ITGB8: variants seen among roughly 807,000 people sequenced by gnomAD.
The protein encoded by ITGB8 is integrin subunit beta 8.
Under a neutral mutation model 89.5 loss-of-function variants are expected in ITGB8, and 30 were observed. The observed-to-expected ratio is 0.34, with a 90% CI of 0.25 to 0.45. ITGB8 has a LOEUF of 0.45. ITGB8 is among the 20% of genes least tolerant of loss of function. The pLI is 1.00. For synonymous variants in ITGB8, 335 were observed against 320.4 expected (o/e 1.05, Z -0.49); for missense variants, 836 against 933.3 (o/e 0.90, Z 1.36).
chr7:20,415,191 A>G lies in ITGB8; in HGVS notation c.*5194A>G, dbSNP rs1045957. 1.3e-5 allele frequency: 2 copies of G among 152,014 alleles called. No homozygotes were observed. Among genetic ancestry groups the G allele is most frequent in the African/African-American group, 4.8e-5 (2 of 41,318 alleles). 9.4% of individuals were successfully genotyped at this position (152,014 alleles called of 1,614,324 possible). Reference sequence around the variant, plus strand: ...ATTATAAGAAAATATACATTTGCACATATTAATATAGAAATTCATTTTGTG... The same window carrying G: ...ATTATAAGAAAATATACATTTGCACGTATTAATATAGAAATTCATTTTGTG... On this transcript the variant is annotated 3_prime_UTR_variant, in exon 14 of 14. Coordinates refer to ENST00000222573, the MANE Select transcript of ITGB8 (RefSeq NM_002214.3).
chr7:20,342,154 A>G (rs896001278), intron 1 of ITGB8, among the ~76,000 whole-genome samples: 1 of 152,190 alleles, frequency 6.6e-6, no homozygotes, highest in Admixed American at 6.5e-5. Flanking sequence ...CTAGCATGAT[A>G]TGAAAGAACA....
intron 1 of ITGB8, among the ~76,000 whole-genome samples, chr7:20,355,241 C>T (rs11773771): frequency 0.089 from 13,485 of 152,118 alleles, 742 homozygotes; most frequent in East Asian, 0.33. Context: ...CCAGGTGGGA[C>T]AACTTTGTGT....
chr7:20,398,335 A>T (rs1787172356), intron 8 of ITGB8, among the ~76,000 whole-genome samples: 2 of 152,184 alleles, frequency 1.3e-5, no homozygotes, highest in African/African-American at 4.8e-5. Context: ...CCTTCAGTGT[A>T]GAAATGGCCT....
In ITGB8 at chr7:20,394,620, T is replaced by C. The variant is rs79561396; in HGVS notation, c.1057-276T>C. 1.1e-4 allele frequency among the ~76,000 whole-genome samples: 16 copies of C among 152,336 alleles called. 1 individual carries two copies. In the East Asian group the frequency reaches 2.9e-3, roughly 28 times the overall value. The stretch of plus-strand genomic sequence containing the variant: ...CATTCCATGGAAGAAATTTGGGAGA[T>C]GCTCATCTGCATTTCGATTGGATTT... On this transcript the variant is annotated intron_variant, in intron 7 of 13. Transcript: ENST00000222573.
intron 1 of ITGB8, among the ~76,000 whole-genome samples, chr7:20,350,232 C>T (rs1490416202): frequency 1.3e-5 from 2 of 152,192 alleles, no homozygotes; most frequent in Non-Finnish European, 2.9e-5. Context: ...ACTGCAACCT[C>T]CACCTCTCAG....
At position 20,405,920 on chromosome 7, in the gene ITGB8, T is replaced by C. The variant is rs1787520682; in HGVS notation, c.1914-142T>C. Reference sequence around the variant, plus strand: ...TTGGAAATGCAATCCTTCGATGTAATGATGGAGTTAGTTCTAATGAACATA... The same window carrying C: ...TTGGAAATGCAATCCTTCGATGTAACGATGGAGTTAGTTCTAATGAACATA... On this transcript the variant is annotated intron_variant, in intron 11 of 13. Transcript: ENST00000222573. The C allele has an allele frequency of 1.2e-5, 7 of 568,746 alleles. No homozygotes were observed. The East Asian group carries it at 2.0e-4, about 16-fold the overall frequency. The allele number at this position is 568,746 out of a possible 1,614,324, so 35.2% of individuals were successfully genotyped here.
chr7:20,333,611 G>T (rs1257054357), intron 1 of ITGB8, among the ~76,000 whole-genome samples: 1 of 151,908 alleles, frequency 6.6e-6, no homozygotes, highest in South Asian at 2.1e-4. Flanking sequence ...ATAAACATTA[G>T]TCAGGCTCTT....
intron 8 of ITGB8, among the ~76,000 whole-genome samples, chr7:20,395,892 G>A (rs904952465): frequency 2.6e-5 from 4 of 152,150 alleles, no homozygotes; most frequent in Admixed American, 6.5e-5. Context: ...CCTCCTCTGC[G>A]ATACCACCTG....
chr7:20,336,134 T>C (rs1784569807), intron 1 of ITGB8, among the ~76,000 whole-genome samples: 1 of 150,408 alleles, frequency 6.6e-6, no homozygotes, highest in Non-Finnish European at 1.5e-5. Flanking sequence ...GCCTACTGAG[T>C]AGCTGAGACT....
At chr7:20,397,386 C>T (rs1426669694) in intron 8 of ITGB8, among the ~76,000 whole-genome samples, 6 of 152,250 alleles carry the variant, frequency 3.9e-5, no homozygotes, top group Non-Finnish European at 7.4e-5. Context: ...CACGCACACC[C>T]GGCTAATTTT....
chr7:20,378,657 C>T, intron 3 of ITGB8, among the ~76,000 whole-genome samples: 1 of 152,098 alleles, frequency 6.6e-6, no homozygotes, highest in South Asian at 2.1e-4. Context: ...ACACGTACAT[C>T]CCCCTCACTG....
rs367941451 is a variant in ITGB8, at chr7:20,367,012, G to T, written c.214G>T (p.Asp72Tyr). The T allele has an allele frequency of 6.2e-7, 1 of 1,601,984 alleles. No individual in the cohort carries two copies. Among genetic ancestry groups the T allele is most frequent in the African/African-American group, 1.3e-5 (1 of 74,210 alleles). ...CAGTGATTTTCTTTCTTTTAAACAG[G>T]ATTTCATTTCAGGTGGATCAAGAAG... ...GPECGWCVQE[D>Y]FISGGSRSER... The change falls in exon 3 of 14, where the codon GAT becomes TAT. Residue 72 changes from aspartate (D) to tyrosine (Y), a missense_variant and splice_region_variant. Physicochemically the swap from Asp to Tyr is radical, Grantham distance 160. Coordinates refer to ENST00000222573, the MANE Select transcript of ITGB8 (RefSeq NM_002214.3).
chr7:20,340,493 G>C (rs1010034921), intron 1 of ITGB8, among the ~76,000 whole-genome samples: 1 of 152,182 alleles, frequency 6.6e-6, no homozygotes, highest in Non-Finnish European at 1.5e-5. Flanking sequence ...TGGTGGATTT[G>C]GGCCAGGAAT....
chr7:20,357,521 T>G (rs1279593491), intron 1 of ITGB8, among the ~76,000 whole-genome samples: 1 of 152,188 alleles, frequency 6.6e-6, no homozygotes, highest in African/African-American at 2.4e-5. Flanking sequence ...TATGTGTATA[T>G]AGATAATATA....
chr7:20,367,403 ATGTGTTC>A (rs544908221), intron 3 of ITGB8, among the ~76,000 whole-genome samples: 364 of 152,244 alleles, frequency 2.4e-3, no homozygotes, highest in Non-Finnish European at 4.1e-3. Context: ...TATTCTAATT[ATGTGTTC>A]TGTTCACATA....
At position 20,412,722 on chromosome 7, in the gene ITGB8, T is replaced by G. The variant is rs1787806962; in HGVS notation, c.*2725T>G. 6.6e-6 allele frequency: 1 copy of G among 152,594 alleles called. No individual in the cohort carries two copies. The highest frequency in any genetic ancestry group is 2.1e-4 in the South Asian group (1 of 4,832). 9.5% of individuals were successfully genotyped at this position (152,594 alleles called of 1,614,324 possible). On this transcript the variant is annotated 3_prime_UTR_variant, in exon 14 of 14. Coordinates refer to ENST00000222573, the MANE Select transcript of ITGB8 (RefSeq NM_002214.3). ...TTAAAAAGCTAATTTTTAAAGATTG[T>G]AGGGCTTGTATTTTACTTGAATAAT... is the stretch of plus-strand genomic sequence containing the variant.
In ITGB8 at chr7:20,367,035, A is replaced by G; in HGVS notation, c.237A>G (p.Arg79=). 6.2e-7 allele frequency: 1 copy of G among 1,611,328 alleles called. No homozygotes were observed. The highest frequency in any genetic ancestry group is 8.5e-7 in the Non-Finnish European group (1 of 1,179,114). ...AGGATTTCATTTCAGGTGGATCAAGAAGTGAACGTTGTGATATTGTTTCCA... is the reference window on the plus strand; with the variant it reads ...AGGATTTCATTTCAGGTGGATCAAGGAGTGAACGTTGTGATATTGTTTCCA... The part of the protein sequence containing the change: ...VQEDFISGGS[R]SERCDIVSNL... Residue 79 remains arginine, a synonymous_variant, in exon 3 of 14, where the codon AGA becomes AGG. Transcript: ENST00000222573.
chr7:20,363,341 T>A (rs1785574992), intron 1 of ITGB8, among the ~76,000 whole-genome samples: 1 of 152,222 alleles, frequency 6.6e-6, no homozygotes, highest in Non-Finnish European at 1.5e-5. Context: ...TGTCCTCTAC[T>A]ATTGCAGCAG....
At chr7:20,399,728 G>T (rs1189524064) in intron 9 of ITGB8, among the ~76,000 whole-genome samples, 1 of 152,132 alleles carries the variant, frequency 6.6e-6, no homozygotes, top group African/African-American at 2.4e-5. Context: ...AAGTGATTTT[G>T]ATTGAGTCAT....
Sources: gnomAD v4.1 joint callset for allele counts (sites outside exome capture counted in the v4.1 genomes callset) on GRCh38, gnomAD v4.1.1 for gene constraint, MANE v1.5 for transcripts, NCBI Gene and HGNC (gene_info 2026-07-23, HGNC 2026-07-21) for gene names.